NAV2: variants seen among roughly 807,000 people sequenced by gnomAD.
NAV2 encodes neuron navigator 2.
Under a neutral mutation model 223.2 loss-of-function variants are expected in NAV2, and 54 were observed. The ratio of observed to expected loss-of-function variants is 0.24; its 90% CI spans 0.19 to 0.30. NAV2 has a LOEUF of 0.30. Ranked by LOEUF, NAV2 falls within the 10% of genes least tolerant of loss-of-function variation. The pLI is 1.00. For synonymous variants in NAV2, 1,279 were observed against 1,239.3 expected, an observed-to-expected ratio of 1.03 and a Z score of -0.67; for missense variants, 2,806 against 3,147.5, an observed-to-expected ratio of 0.89 and a Z score of 2.60.
intron 14 of NAV2, among the ~76,000 whole-genome samples, chr11:20,046,792 T>G (rs2057487227): frequency 6.6e-6 from 1 of 152,238 alleles, no homozygotes; most frequent in African/African-American, 2.4e-5. Flanking sequence ...CCTGTTCGTA[T>G]TATCTTATTA....
intron 1 of NAV2, among the ~76,000 whole-genome samples, chr11:19,370,239 A>G (rs1172631843): frequency 6.6e-6 from 1 of 152,194 alleles, no homozygotes; most frequent in East Asian, 1.9e-4. Flanking sequence ...TGCATCAAAT[A>G]CCAATTTGGC....
intron 1 of NAV2, among the ~76,000 whole-genome samples, chr11:19,813,442 CAG>C (rs2058941096): frequency 6.6e-6 from 1 of 152,108 alleles, no homozygotes; most frequent in African/African-American, 2.4e-5. Context: ...GCCAAAGAAA[CAG>C]TGATTTATTT....
chr11:19,434,658 A>AT (rs968348868), intron 1 of NAV2, among the ~76,000 whole-genome samples: 12 of 152,118 alleles, frequency 7.9e-5, no homozygotes, highest in Admixed American at 3.3e-4. Flanking sequence ...CTCCTAAGGC[A>AT]TTTTCCTCTT....
At chr11:19,558,104 T>G (rs1481661826) in intron 1 of NAV2, among the ~76,000 whole-genome samples, 1 of 152,226 alleles carries the variant, frequency 6.6e-6, no homozygotes, top group Non-Finnish European at 1.5e-5. Flanking sequence ...CTGTTATTTA[T>G]TAGATAACTT....
intron 19 of NAV2, among the ~76,000 whole-genome samples, chr11:20,058,373 CAG>C (rs2058492823): frequency 6.6e-6 from 1 of 152,234 alleles, no homozygotes; most frequent in Non-Finnish European, 1.5e-5. Flanking sequence ...AGATTAGGTA[CAG>C]GCATGGCCAG....
At chr11:19,934,783 G>A (rs1187004630) in intron 7 of NAV2, among the ~76,000 whole-genome samples, 1 of 151,198 alleles carries the variant, frequency 6.6e-6, no homozygotes, top group Non-Finnish European at 1.5e-5. Flanking sequence ...GCTTTCTGAA[G>A]GGAGAGGGAC....
intron 1 of NAV2, among the ~76,000 whole-genome samples, chr11:19,727,554 T>C (rs2051356690): frequency 1.3e-5 from 2 of 152,256 alleles, no homozygotes; most frequent in Admixed American, 6.5e-5. Context: ...GGGCAGGTGC[T>C]GTGCAAATCT....
chr11:19,351,073 G>A (rs996394250), intron 1 of NAV2: 2 of 1,012,290 alleles, frequency 2.0e-6, no homozygotes, highest in African/African-American at 3.2e-5. Flanking sequence ...GGTGCTGATT[G>A]CTAAGTGTGA....
chr11:19,989,855 A>C (rs1361378742), intron 11 of NAV2, among the ~76,000 whole-genome samples: 4 of 151,968 alleles, frequency 2.6e-5, no homozygotes, highest in African/African-American at 9.7e-5. Flanking sequence ...TCACCCCCCA[A>C]ATCCTCCGGT....
intron 20 of NAV2, among the ~76,000 whole-genome samples, chr11:20,066,856 T>TC (rs1262714993): frequency 1.3e-5 from 2 of 152,172 alleles, no homozygotes; most frequent in African/African-American, 2.4e-5. Context: ...AAGTCACTCT[T>TC]CCCTCCCTGG....
chr11:19,844,529 A>G (rs1038924452), intron 3 of NAV2, among the ~76,000 whole-genome samples: 1 of 152,222 alleles, frequency 6.6e-6, no homozygotes, highest in African/African-American at 2.4e-5. Flanking sequence ...TACTTACAGC[A>G]TCCCAAATCT....
chr11:19,720,705 A>G (rs1333222020), intron 1 of NAV2, among the ~76,000 whole-genome samples: 1 of 152,254 alleles, frequency 6.6e-6, no homozygotes, highest in Admixed American at 6.5e-5. Flanking sequence ...CCTCTGTATC[A>G]GCATAATGCA....
chr11:19,594,021 C>G (rs1005890649), intron 1 of NAV2, among the ~76,000 whole-genome samples: 2 of 151,996 alleles, frequency 1.3e-5, no homozygotes, highest in Non-Finnish European at 2.9e-5. Flanking sequence ...TAGGATTATC[C>G]CAATTTAATA....
At chr11:20,100,037 A>G (rs1161350519) in intron 31 of NAV2, among the ~76,000 whole-genome samples, 1 of 152,168 alleles carries the variant, frequency 6.6e-6, no homozygotes, top group African/African-American at 2.4e-5. Flanking sequence ...GGGATCTGCT[A>G]GCAGTGACTG....
intron 1 of NAV2, among the ~76,000 whole-genome samples, chr11:19,787,152 A>G (rs529713543): frequency 4.3e-4 from 65 of 151,956 alleles, no homozygotes; most frequent in African/African-American, 1.5e-3. Context: ...GTGCAGTGGT[A>G]CCATCATAGC....
In NAV2 at chr11:19,987,939, C is replaced by T. The variant is rs547004406; in HGVS notation, c.2768+3692C>T. ...AAAAGGAGCTTTGGCATGGAGGTCT[C>T]CAAACTGGCAGACTGGGAAGAAGAA... On this transcript the variant is annotated intron_variant, in intron 11 of 37. Transcript: ENST00000349880. 2.0e-5 allele frequency among the ~76,000 whole-genome samples: 3 copies of T among 152,274 alleles called. No individual in the cohort carries two copies. In the South Asian group the frequency reaches 6.2e-4, roughly 32 times the overall value.
Position 20,035,978 on chromosome 11 carries a change from G to A in NAV2, c.2788G>A (p.Val930Ile), listed in dbSNP as rs752368978. ...TGGCAGCTGGGACGACAGCAGCTCC[G>A]TCAGCAGCGGCATCAGCGACACCAT... ...DADSWDDSSSVSSGISDTIDN... is the reference protein window; with the variant it reads ...DADSWDDSSSISSGISDTIDN... Residue 930 changes from valine to isoleucine, a missense_variant, in exon 12 of 38, where the codon GTC (valine) becomes ATC (isoleucine). Physicochemically the swap from Val to Ile is conservative, Grantham distance 29 (BLOSUM62 3). This residue lies in a region of NAV2 where 73 missense variants were observed against 119.7 expected (regional missense o/e 0.61). Transcript: ENST00000349880. 25 of 1,614,008 alleles carry A rather than the reference G, an allele frequency of 1.5e-5. No homozygotes were observed. Among genetic ancestry groups the A allele is most frequent in the African/African-American group, 6.7e-5 (5 of 74,916 alleles).
intron 1 of NAV2, among the ~76,000 whole-genome samples, chr11:19,389,229 T>A (rs1025328349): frequency 2.6e-5 from 4 of 152,192 alleles, no homozygotes; most frequent in Non-Finnish European, 5.9e-5. Flanking sequence ...TCCACCAGGT[T>A]GTCAATTCAC....
chr11:20,021,433 AGC>A (rs139866298), intron 11 of NAV2, among the ~76,000 whole-genome samples: 2 of 152,340 alleles, frequency 1.3e-5, no homozygotes, highest in East Asian at 3.9e-4. Context: ...AACTTTTTAG[AGC>A]GTGTGTGTGC....
Sources: allele counts gnomAD v4.1 joint callset (sites outside exome capture counted in the v4.1 genomes callset), GRCh38; gene constraint gnomAD v4.1.1; regional missense constraint gnomAD v4.1.1; transcripts MANE v1.5; gene names NCBI Gene and HGNC (gene_info 2026-07-23, HGNC 2026-07-21).